TRAPPC8: variants seen among roughly 807,000 people sequenced by gnomAD.
The protein encoded by TRAPPC8 is trafficking protein particle complex subunit 8.
Under a neutral mutation model 174.3 loss-of-function variants are expected in TRAPPC8, and 54 were observed. That is an observed-to-expected ratio of 0.31 (90% CI 0.25 to 0.39). The LOEUF is 0.39. TRAPPC8 is among the 10% of genes least tolerant of loss of function. The pLI, the probability that TRAPPC8 is intolerant of heterozygous loss-of-function variation, is 1.00. For synonymous variants in TRAPPC8, 630 were observed against 579.9 expected (o/e 1.09, Z -1.24); for missense variants, 1,531 against 1,699.1 (o/e 0.90, Z 1.74).
intron 1 of TRAPPC8, among the ~76,000 whole-genome samples, chr18:31,942,093 T>G (rs531154089): frequency 6.6e-6 from 1 of 152,332 alleles, no homozygotes; most frequent in South Asian, 2.1e-4. Context: ...TAGCTAAGAA[T>G]ATATTAGTAA....
intron 1 of TRAPPC8, chr18:31,939,622 T>C (rs1337640358): frequency 6.6e-6 from 1 of 152,258 alleles, no homozygotes; most frequent in Non-Finnish European, 1.5e-5. Flanking sequence ...CAACTCATTA[T>C]ACTCCTTCAC....
chr18:31,894,696 A>G (rs2036111599), intron 11 of TRAPPC8, among the ~76,000 whole-genome samples: 1 of 152,170 alleles, frequency 6.6e-6, no homozygotes, highest in Non-Finnish European at 1.5e-5. Flanking sequence ...TGAATCAAAC[A>G]TCAAACAAAA....
intron 20 of TRAPPC8, among the ~76,000 whole-genome samples, chr18:31,857,226 C>G (rs1254573318): frequency 6.6e-6 from 1 of 152,136 alleles, no homozygotes; most frequent in Middle Eastern, 3.2e-3. Flanking sequence ...AAATGACGCC[C>G]TATTTTAATA....
chr18:31,916,785 C>G (rs2037168236), intron 3 of TRAPPC8, among the ~76,000 whole-genome samples: 1 of 149,178 alleles, frequency 6.7e-6, no homozygotes, highest in Non-Finnish European at 1.5e-5. Context: ...CCGCCCGCCT[C>G]AGCCTCCCAA....
At chr18:31,940,217 C>A (rs2038270816) in intron 1 of TRAPPC8, among the ~76,000 whole-genome samples, 1 of 152,160 alleles carries the variant, frequency 6.6e-6, no homozygotes, top group Non-Finnish European at 1.5e-5. Flanking sequence ...TGGCTCACGC[C>A]TGTAATCCCA....
At chr18:31,918,430 G>T (rs993495048) in intron 2 of TRAPPC8, among the ~76,000 whole-genome samples, 1 of 152,110 alleles carries the variant, frequency 6.6e-6, no homozygotes, top group Non-Finnish European at 1.5e-5. Flanking sequence ...GTTCTCAACT[G>T]AGCATGATTT....
intron 2 of TRAPPC8, among the ~76,000 whole-genome samples, chr18:31,930,109 T>G (rs1054865515): frequency 1.3e-5 from 2 of 151,942 alleles, no homozygotes; most frequent in African/African-American, 2.4e-5. Context: ...TCTCTGCGTA[T>G]GTTTAGGAAA....
chr18:31,900,797 T>TA, intron 10 of TRAPPC8, 128 bp downstream of exon 10: 6 of 688,732 alleles, frequency 8.7e-6, no homozygotes, highest in Non-Finnish European at 1.4e-5. Flanking sequence ...ACTAACTTTT[T>TA]AAAAATCACC....
At chr18:31,890,663 A>G in intron 12 of TRAPPC8, 72 bp downstream of exon 12, 1 of 1,518,146 alleles carries the variant, frequency 6.6e-7, no homozygotes, top group African/African-American at 1.4e-5. Flanking sequence ...CTTTTTAAAT[A>G]ATAAAAATGG....
intron 26 of TRAPPC8, among the ~76,000 whole-genome samples, chr18:31,842,422 CA>C (rs999810006): frequency 6.6e-6 from 1 of 152,126 alleles, no homozygotes; most frequent in Non-Finnish European, 1.5e-5. Context: ...TGAAATCAGA[CA>C]AGGGATATTA....
At chr18:31,890,622 T>G (rs2035912561) in intron 12 of TRAPPC8, 113 bp downstream of exon 12, 1 of 1,243,006 alleles carries the variant, frequency 8.0e-7, no homozygotes, top group African/African-American at 1.6e-5. Flanking sequence ...ACCAATACAT[T>G]ACCTCAGAAC....
chr18:31,873,584 G>A (rs770608500), intron 13 of TRAPPC8, 46 bp from the exon 14 acceptor site: 5 of 1,390,520 alleles, frequency 3.6e-6, no homozygotes, highest in Admixed American at 4.1e-5. Flanking sequence ...TGTGAAAATG[G>A]TATTTTTATT....
chr18:31,852,597 T>C lies in TRAPPC8; in HGVS notation c.3500A>G (p.Glu1167Gly). 6 of 1,614,054 alleles carry C rather than the reference T, an allele frequency of 3.7e-6. No individual in the cohort carries two copies. The highest frequency in any genetic ancestry group is 5.1e-6 in the Non-Finnish European group (6 of 1,179,972). Residue 1167 changes from glutamate to glycine, a missense_variant and splice_region_variant, in exon 23 of 29, where the codon GAA becomes GGA. Physicochemically the swap from Glu to Gly is moderately conservative, Grantham distance 98. Coordinates refer to ENST00000283351, the MANE Select transcript of TRAPPC8 (RefSeq NM_014939.5). Reference sequence around the variant, plus strand: ...GTGTAAAAGTAAAGTGAATTTACCTTCTTCTTTCTCACATCTTATTGCCTT... The same window carrying C: ...GTGTAAAAGTAAAGTGAATTTACCTCCTTCTTTCTCACATCTTATTGCCTT... ...CFKAIRCEKE[E>G]AATQSSEKYT...
chr18:31,918,063 T>C (rs1462657058), intron 2 of TRAPPC8, among the ~76,000 whole-genome samples: 1 of 151,874 alleles, frequency 6.6e-6, no homozygotes, highest in African/African-American at 2.4e-5. Flanking sequence ...GAGGTGGGGG[T>C]TGAAGTGAGC....
rs665765 is a variant in TRAPPC8 at position 31,871,776 on chromosome 18, C to G, written c.2063-656G>C. ...AATCCATTATGTGAATATACAAAAC[C>G]ATATCAATTAATCCTCTATTAGGAA... On this transcript the variant is annotated intron_variant, in intron 14 of 28. Transcript: ENST00000283351. Among the ~76,000 whole-genome samples, 637 of 151,900 alleles carry G rather than the reference C, an allele frequency of 4.2e-3. 4 individuals are homozygous for G. The highest frequency in any genetic ancestry group is 0.015 in the African/African-American group (607 of 41,450).
chr18:31,866,717 T>G (rs2034604125), intron 18 of TRAPPC8, 132 bp downstream of exon 18: 2 of 995,186 alleles, frequency 2.0e-6, no homozygotes, highest in African/African-American at 3.3e-5. Context: ...TTTGTCATTC[T>G]TACATCTGGC....
In TRAPPC8 at chr18:31,857,759, G is replaced by C. The variant is rs764368988; in HGVS notation, c.2969C>G (p.Ser990Cys). ...TGATGATATGAGTGCTGTACACACAGAGGTAGCATCTGTCACAACAGTCTT... is the reference window on the plus strand; with the variant it reads ...TGATGATATGAGTGCTGTACACACACAGGTAGCATCTGTCACAACAGTCTT... Reference protein sequence around the residue: ...AYKTVVTDATSVCTALISSAS... With the variant: ...AYKTVVTDATCVCTALISSAS... Residue 990 changes from serine to cysteine, a missense_variant, in exon 20 of 29, where the codon TCT (serine) becomes TGT (cysteine). Transcript: ENST00000283351. 4 of 1,614,118 alleles carry C rather than the reference G, an allele frequency of 2.5e-6. No homozygotes were observed. Among genetic ancestry groups the C allele is most frequent in the Admixed American group, 3.3e-5 (2 of 60,014 alleles).
rs75040934 is a variant in TRAPPC8, at chr18:31,879,660, A to G, written c.1729-4956T>C. ...ATGAAATTGAGACCAAAGAAATCATACAAAGAATCAACAAAATAAAGTTAT... is the reference window on the plus strand; with the variant it reads ...ATGAAATTGAGACCAAAGAAATCATGCAAAGAATCAACAAAATAAAGTTAT... On this transcript the variant is annotated intron_variant, in intron 12 of 28. Coordinates refer to ENST00000283351, the MANE Select transcript of TRAPPC8 (RefSeq NM_014939.5). Among the ~76,000 whole-genome samples the G allele has an allele frequency of 8.3e-3, 1,266 of 152,224 alleles. 14 individuals carry two copies. The highest frequency in any genetic ancestry group is 0.012 in the Non-Finnish European group (808 of 67,966).
chr18:31,852,540 T>C (rs865872882), intron 23 of TRAPPC8, 36 bp from the exon 24 acceptor site: 4 of 1,613,892 alleles, frequency 2.5e-6, no homozygotes, highest in Non-Finnish European at 1.7e-6. Context: ...ATCATATCAT[T>C]GGCATAAAAT....
Sources: allele counts gnomAD v4.1 joint callset (sites outside exome capture counted in the v4.1 genomes callset), GRCh38; gene constraint gnomAD v4.1.1; transcripts MANE v1.5; gene names NCBI Gene and HGNC (gene_info 2026-07-23, HGNC 2026-07-21).